The following ZC2HC1A variants were observed in gnomAD, a reference collection of about 807,000 sequenced individuals.
ZC2HC1A encodes zinc finger C2HC-type containing 1A.
In ZC2HC1A, 28 loss-of-function variants were observed where a neutral mutation model predicts 40.7. That is an observed-to-expected ratio of 0.69 (90% CI 0.51 to 0.94). The LOEUF is 0.94. ZC2HC1A is among the 40% of genes least tolerant of loss of function. The probability of loss-of-function intolerance (pLI) is 0.00; values close to 1 mark genes in which losing one functional copy is unlikely to be tolerated. For synonymous variants in ZC2HC1A, 129 were observed against 129.2 expected (o/e 1.00, Z 0.01); for missense variants, 389 against 386.3 (o/e 1.01, Z -0.06).
At chr8:78,675,085 CT>C (rs1444645117) in intron 1 of ZC2HC1A, among the ~76,000 whole-genome samples, 2 of 149,670 alleles carry the variant, frequency 1.3e-5, no homozygotes, top group Non-Finnish European at 3.0e-5. Context: ...CTTTTTTTTT[CT>C]TTTTAGTAAT....
In ZC2HC1A at chr8:78,717,640, TATA is replaced by T; in HGVS notation, c.*150_*152del. The T allele has an allele frequency of 1.2e-6, 1 of 846,528 alleles. No homozygotes were observed. The highest frequency in any genetic ancestry group is 2.7e-5 in the East Asian group (1 of 37,034). 52.4% of individuals were successfully genotyped at this position (846,528 alleles called of 1,614,324 possible). A position where few individuals can be genotyped will look rare whatever the true frequency, so the allele number is the denominator to read the frequency against. ...ATTTTGAAGTGTAATCTTTTGGCTA[TATA>T]ATGTGTGTATGTTTATATGTGTACA... On this transcript the variant is annotated 3_prime_UTR_variant, in exon 9 of 9. Transcript: ENST00000263849.
At chr8:78,666,456 T>C (rs1229291965) in intron 1 of ZC2HC1A, among the ~76,000 whole-genome samples, 1 of 152,210 alleles carries the variant, frequency 6.6e-6, no homozygotes, top group African/African-American at 2.4e-5. Context: ...TTTTCTGATC[T>C]TGCTTGACTC....
chr8:78,717,529 A>C lies in ZC2HC1A; in HGVS notation c.*36A>C. 7 of 1,544,480 alleles carry C rather than the reference A, an allele frequency of 4.5e-6. No homozygotes were observed. The highest frequency in any genetic ancestry group is 6.1e-6 in the Non-Finnish European group (7 of 1,153,764). On this transcript the variant is annotated 3_prime_UTR_variant, in exon 9 of 9. Coordinates refer to ENST00000263849, the MANE Select transcript of ZC2HC1A (RefSeq NM_016010.3). ...AAAAAAAAAAAAAAGCCAAGTTCAG[A>C]GTTTATGATTATTGCTGCTTGGACA...
chr8:78,706,647 G>T (rs1265635723), intron 7 of ZC2HC1A, among the ~76,000 whole-genome samples: 2 of 152,054 alleles, frequency 1.3e-5, no homozygotes, highest in Non-Finnish European at 2.9e-5. Flanking sequence ...TCCTTGATTA[G>T]TCCCAATGCA....
intron 8 of ZC2HC1A, among the ~76,000 whole-genome samples, chr8:78,715,884 A>T (rs1215744945): frequency 2.0e-5 from 3 of 151,642 alleles, no homozygotes; most frequent in Non-Finnish European, 4.4e-5. Flanking sequence ...TACTAAAAGT[A>T]GAAAAATTAG....
chr8:78,688,310 GT>G (rs1295194726), intron 4 of ZC2HC1A, among the ~76,000 whole-genome samples: 7 of 152,094 alleles, frequency 4.6e-5, no homozygotes, highest in African/African-American at 1.4e-4. Context: ...CTTCAGGATC[GT>G]TTGGGCTTTA....
chr8:78,690,936 C>T (rs1810192285), intron 5 of ZC2HC1A, among the ~76,000 whole-genome samples: 1 of 152,032 alleles, frequency 6.6e-6, no homozygotes, highest in Admixed American at 6.6e-5. Flanking sequence ...ATCTTATACC[C>T]TGCTATTTTC....
chr8:78,689,972 G>T (rs1266658130), intron 5 of ZC2HC1A, among the ~76,000 whole-genome samples: 1 of 152,154 alleles, frequency 6.6e-6, no homozygotes, highest in Non-Finnish European at 1.5e-5. Flanking sequence ...GCTGGTATTT[G>T]TGTATAGTGT....
intron 7 of ZC2HC1A, among the ~76,000 whole-genome samples, chr8:78,703,305 G>C (rs1175458980): frequency 1.3e-5 from 2 of 152,170 alleles, no homozygotes; most frequent in African/African-American, 4.8e-5. Flanking sequence ...ATCCAGTGCT[G>C]AGTTCAGGTC....
chr8:78,689,295 A>G lies in ZC2HC1A; in HGVS notation c.426A>G (p.Lys142=). 6.2e-7 allele frequency: 1 copy of G among 1,603,542 alleles called. No individual in the cohort carries two copies. Among genetic ancestry groups the G allele is most frequent in the Non-Finnish European group, 8.5e-7 (1 of 1,174,848 alleles). ...NAADRHINFC[K]EQAARISNKG... ...CTGATAGACATATAAATTTCTGTAA[A>G]GAACAGGCAGCACGTATTAGTAATA... is the stretch of plus-strand genomic sequence containing the variant. The change falls in exon 5 of 9, where the codon AAA becomes AAG. Residue 142 remains lysine (K), a synonymous_variant. Transcript: ENST00000263849.
chr8:78,668,688 T>C (rs1809367649), intron 1 of ZC2HC1A, among the ~76,000 whole-genome samples: 1 of 152,214 alleles, frequency 6.6e-6, no homozygotes, highest in African/African-American at 2.4e-5. Flanking sequence ...GTAGAATCAA[T>C]ATCTGAGCAC....
intron 4 of ZC2HC1A, among the ~76,000 whole-genome samples, chr8:78,687,690 TTACGTAATA>T (rs1810048323): frequency 9.0e-6 from 1 of 111,148 alleles, no homozygotes; most frequent in African/African-American, 3.2e-5. Context: ...TTATATATAT[TTACGTAATA>T]CATTATATAT....
At chr8:78,717,287 G>T in intron 8 of ZC2HC1A, 41 bp from the exon 9 acceptor site, 1 of 1,577,032 alleles carries the variant, frequency 6.3e-7, no homozygotes, top group South Asian at 1.2e-5. Context: ...GAAAACTACT[G>T]ATACAAACTT....
chr8:78,685,001 T>C (rs911970597), intron 3 of ZC2HC1A, among the ~76,000 whole-genome samples: 10 of 152,114 alleles, frequency 6.6e-5, no homozygotes, highest in African/African-American at 2.2e-4. Flanking sequence ...CATCAAAAAA[T>C]TTATATACAT....
chr8:78,679,016 A>G (rs908258858), intron 3 of ZC2HC1A: 1 of 159,780 alleles, frequency 6.3e-6, no homozygotes, highest in African/African-American at 2.4e-5. Flanking sequence ...ATATAACTTA[A>G]GTTTTGATTC....
rs773815079 is a variant in ZC2HC1A at position 78,698,500 on chromosome 8, G to A, written c.691G>A (p.Ala231Thr). The change falls in exon 7 of 9, where the codon GCC becomes ACC. Residue 231 changes from alanine to threonine, a missense_variant. Ala to Thr is a moderately conservative substitution (Grantham distance 58). Coordinates refer to ENST00000263849, the MANE Select transcript of ZC2HC1A (RefSeq NM_016010.3). ...TLSPSHKGIA[A>T]PHAGANVKPR... The stretch of plus-strand genomic sequence containing the variant: ...ATCTCCCTCTCATAAAGGGATAGCA[G>A]CCCCTCATGCAGGGTAAGTCTACAC... The A allele has an allele frequency of 5.6e-6, 9 of 1,608,620 alleles. No individual in the cohort carries two copies. In the African/African-American group the frequency reaches 1.2e-4, roughly 22 times the overall value.
intron 3 of ZC2HC1A, chr8:78,685,855 G>A (rs569181333): frequency 6.6e-6 from 1 of 152,264 alleles, no homozygotes; most frequent in Admixed American, 6.5e-5. Context: ...CCACAAACTG[G>A]ATAATTTATA....
chr8:78,678,784 T>G, intron 3 of ZC2HC1A, 105 bp downstream of exon 3: 11 of 602,884 alleles, frequency 1.8e-5, no homozygotes, highest in South Asian at 3.8e-5. Context: ...AATTATCTGC[T>G]ACATTAAGAT....
chr8:78,716,106 T>G (rs1811092785), intron 8 of ZC2HC1A, among the ~76,000 whole-genome samples: 2 of 148,262 alleles, frequency 1.3e-5, no homozygotes, highest in African/African-American at 2.5e-5. Flanking sequence ...TTTATTACTG[T>G]TTTTTTTTGT....
Sources: allele counts gnomAD v4.1 joint callset (sites outside exome capture counted in the v4.1 genomes callset), GRCh38; gene constraint gnomAD v4.1.1; transcripts MANE v1.5; gene names NCBI Gene and HGNC (gene_info 2026-07-23, HGNC 2026-07-21).